CENPC: variants seen among roughly 807,000 people sequenced by gnomAD.
The protein encoded by CENPC is CENP-C 1.
Under a neutral mutation model 112.1 loss-of-function variants are expected in CENPC, and 63 were observed. The ratio of observed to expected loss-of-function variants is 0.56; its 90% CI spans 0.46 to 0.69. CENPC has a LOEUF of 0.69. CENPC is among the 30% of genes least tolerant of loss of function. The pLI, the probability that CENPC is intolerant of heterozygous loss-of-function variation, is 0.00. For missense variants in CENPC, 1,000 were observed against 1,103.8 expected, an observed-to-expected ratio of 0.91 and a Z score of 1.33; for synonymous variants, 333 against 367.6, an observed-to-expected ratio of 0.91 and a Z score of 1.08.
At chr4:67,525,508 T>C (rs355495) in intron 5 of CENPC, among the ~76,000 whole-genome samples, 138,276 of 152,216 alleles carry the variant, frequency 0.91, 63,032 homozygotes, top group South Asian at 0.95. Context: ...AGTGGGCAAA[T>C]GATATGAACA....
intron 17 of CENPC, among the ~76,000 whole-genome samples, chr4:67,480,267 T>A (rs1204935735): frequency 6.6e-6 from 1 of 151,858 alleles, no homozygotes; most frequent in Non-Finnish European, 1.5e-5. Flanking sequence ...TACAGTGAGC[T>A]GAAATCGCAC....
intron 5 of CENPC, among the ~76,000 whole-genome samples, chr4:67,529,901 A>G (rs1467098330): frequency 6.6e-6 from 1 of 152,112 alleles, no homozygotes; most frequent in African/African-American, 2.4e-5. Context: ...AAAAACAAAT[A>G]TATCAAAATT....
intron 16 of CENPC, among the ~76,000 whole-genome samples, chr4:67,491,228 C>A (rs1725249008): frequency 6.7e-6 from 1 of 149,626 alleles, no homozygotes; most frequent in Non-Finnish European, 1.5e-5. Flanking sequence ...GGCTGAAGTG[C>A]AGTGGCATGA....
chr4:67,495,173 A>T lies in CENPC; in HGVS notation c.2171T>A (p.Ile724Asn). The T allele has an allele frequency of 6.5e-7, 1 of 1,530,466 alleles. No individual in the cohort carries two copies. Among genetic ancestry groups the T allele is most frequent in the Non-Finnish European group, 8.8e-7 (1 of 1,140,322 alleles). 94.8% of individuals were successfully genotyped at this position (1,530,466 alleles called of 1,614,324 possible). A position where few individuals can be genotyped will look rare whatever the true frequency, so the allele number is the denominator to read the frequency against. The change falls in exon 13 of 19, where the codon ATC (isoleucine) becomes AAC (asparagine). Residue 724 changes from isoleucine to asparagine, a missense_variant. Ile to Asn is a moderately radical substitution (Grantham distance 149). Coordinates refer to ENST00000273853, the MANE Select transcript of CENPC (RefSeq NM_001812.4). The part of the protein sequence containing the change: ...KQSKVIPKNR[I>N]HHKLVLPSNT... ...AATATTCTTACCTAGTTTGTGATGGATTCTGTTCTTTGGTATCACTTTAGA... is the reference window on the plus strand; with the variant it reads ...AATATTCTTACCTAGTTTGTGATGGTTTCTGTTCTTTGGTATCACTTTAGA...
At chr4:67,535,488 T>G (rs1030734005) in intron 4 of CENPC, among the ~76,000 whole-genome samples, 1 of 151,790 alleles carries the variant, frequency 6.6e-6, no homozygotes, top group South Asian at 2.1e-4. Context: ...TAAATTAATG[T>G]GTCTATGCAT....
chr4:67,509,240 ACACACACACACACAC>A, intron 9 of CENPC, 135 bp from the exon 10 acceptor site: 9 of 599,094 alleles, frequency 1.5e-5, no homozygotes, highest in South Asian at 1.5e-4. Context: ...ACACACACAC[ACACACACACACACAC>A]ATCTCAGGCT....
chr4:67,517,997 T>TA (rs1175988651), intron 7 of CENPC, among the ~76,000 whole-genome samples, 159 bp downstream of exon 7: 1 of 152,160 alleles, frequency 6.6e-6, no homozygotes, highest in Non-Finnish European at 1.5e-5. Context: ...CACTGACTGG[T>TA]AAAAAACCAT....
chr4:67,491,470 TATATATATATAGAGAGAGAGAGAGAGAG>T (rs1209714728), intron 16 of CENPC, among the ~76,000 whole-genome samples: 2 of 47,448 alleles, frequency 4.2e-5, no homozygotes, highest in South Asian at 1.0e-3. Flanking sequence ...TATATATATA[TATATATATATAGAGAGAGAGAGAGAGAG>T]AGAGAGAGAG....
chr4:67,525,546 C>T (rs961865432), intron 5 of CENPC, among the ~76,000 whole-genome samples: 4 of 152,134 alleles, frequency 2.6e-5, no homozygotes, highest in Admixed American at 1.3e-4. Context: ...GACATTTACA[C>T]AGCCAACAAA....
At chr4:67,528,179 C>T (rs1007220149) in intron 5 of CENPC, among the ~76,000 whole-genome samples, 1 of 151,812 alleles carries the variant, frequency 6.6e-6, no homozygotes, top group Admixed American at 6.6e-5. Flanking sequence ...TAAAAATTAG[C>T]CTCATAATTT....
In CENPC at chr4:67,472,548, CA is replaced by C. The variant is rs1376430229; in HGVS notation, c.*56del. ...TACAAAGACAAATATTCCAACTATA[CA>C]AACTGTTTTTCACATATACATATAT... is the stretch of plus-strand genomic sequence containing the variant. On this transcript the variant is annotated 3_prime_UTR_variant, in exon 19 of 19. Coordinates refer to ENST00000273853, the MANE Select transcript of CENPC (RefSeq NM_001812.4). 7.5e-5 allele frequency: 101 copies of C among 1,340,010 alleles called. No individual in the cohort carries two copies. Among genetic ancestry groups the C allele is most frequent in the Non-Finnish European group, 9.4e-5 (98 of 1,040,096 alleles). The allele number at this position is 1,340,010 out of a possible 1,614,324, so 83.0% of individuals were successfully genotyped here. A position where few individuals can be genotyped will look rare whatever the true frequency, so the allele number is the denominator to read the frequency against.
chr4:67,528,543 C>A (rs1487287718), intron 5 of CENPC, among the ~76,000 whole-genome samples: 1 of 152,146 alleles, frequency 6.6e-6, no homozygotes, highest in South Asian at 2.1e-4. Flanking sequence ...ATTATAAATA[C>A]CTCATGTAAG....
chr4:67,538,825 G>A (rs1422586457), intron 4 of CENPC, among the ~76,000 whole-genome samples: 2 of 152,218 alleles, frequency 1.3e-5, no homozygotes, highest in Admixed American at 6.5e-5. Context: ...ACACAGTAGA[G>A]AAGAATTTTG....
At position 67,486,582 on chromosome 4, in the gene CENPC, G is replaced by A. The variant is rs897374689; in HGVS notation, c.2670+3385C>T. 2.0e-5 allele frequency among the ~76,000 whole-genome samples: 3 copies of A among 152,176 alleles called. No homozygotes were observed. In the South Asian group the frequency reaches 6.2e-4, roughly 32 times the overall value. ...GGTGATTTTGCCTCTCAGGGACAAC[G>A]GACAATTTCTGAAGACATATTTGAT... On this transcript the variant is annotated intron_variant, in intron 17 of 18. Coordinates refer to ENST00000273853, the MANE Select transcript of CENPC (RefSeq NM_001812.4).
chr4:67,472,849 C>CGT lies in CENPC; in HGVS notation c.2762-176_2762-175dup, dbSNP rs548319618. 3.4e-3 allele frequency among the ~76,000 whole-genome samples: 523 copies of CGT among 152,250 alleles called. 2 individuals carry two copies. The highest frequency in any genetic ancestry group is 4.4e-3 in the Non-Finnish European group (301 of 68,028). On this transcript the variant is annotated intron_variant, in intron 18 of 18. Coordinates refer to ENST00000273853, the MANE Select transcript of CENPC (RefSeq NM_001812.4). ...ACTACATCAACAGCTAACCATGACA[C>CGT]GTGATCCAGATGAGGCTTGAGAGAA...
At position 67,526,467 on chromosome 4, in the gene CENPC, T is replaced by C. The variant is rs1726384270; in HGVS notation, c.331+4348A>G. On this transcript the variant is annotated intron_variant, in intron 5 of 18. Transcript: ENST00000273853. ...ACAAACTACCAAAATTCAGTCACAA[T>C]GAAATTGATAATCAAAATAGTCCTA... 5.9e-5 allele frequency among the ~76,000 whole-genome samples: 9 copies of C among 151,988 alleles called. No individual in the cohort carries two copies. In the South Asian group the frequency reaches 1.9e-3, roughly 31 times the overall value.
chr4:67,492,079 T>C (rs536379252), intron 16 of CENPC, 101 bp downstream of exon 16: 33 of 749,248 alleles, frequency 4.4e-5, no homozygotes, highest in East Asian at 1.7e-4. Flanking sequence ...ACTGATAGAA[T>C]TGGGGAGAGA....
intron 2 of CENPC, 70 bp from the exon 3 acceptor site, chr4:67,541,120 T>G: frequency 2.2e-6 from 2 of 903,862 alleles, no homozygotes; most frequent in Non-Finnish European, 3.4e-6. Flanking sequence ...CTTTGAAAAT[T>G]CCACATCTCA....
intron 9 of CENPC, 95 bp downstream of exon 9, chr4:67,512,307 T>C (rs539877925): frequency 1.0e-5 from 9 of 882,090 alleles, no homozygotes; most frequent in South Asian, 3.5e-5. Context: ...TTGGTCCTCA[T>C]GATATTCTCT....
Sources: allele counts gnomAD v4.1 joint callset (sites outside exome capture counted in the v4.1 genomes callset), GRCh38; gene constraint gnomAD v4.1.1; transcripts MANE v1.5; gene names NCBI Gene and HGNC (gene_info 2026-07-23, HGNC 2026-07-21).